LOC128462377: variants seen among roughly 807,000 people sequenced by gnomAD.
At chr16:89,318,816 G>C in the LOC128462377 span, among the ~76,000 whole-genome samples, 8 of 152,228 alleles carry the variant, frequency 5.3e-5, no homozygotes, top group African/African-American at 1.7e-4. Context: ...TCGGGTCAAC[G>C]TATTCACTGC....
At chr16:89,331,749 A>T in the LOC128462377 span, among the ~76,000 whole-genome samples, 1 of 152,082 alleles carries the variant, frequency 6.6e-6, no homozygotes, top group Non-Finnish European at 1.5e-5. Flanking sequence ...GCCTCCCAAA[A>T]TATTGGGGCT....
the LOC128462377 span, among the ~76,000 whole-genome samples, chr16:89,353,139 C>T: frequency 6.6e-6 from 1 of 152,080 alleles, no homozygotes; most frequent in African/African-American, 2.4e-5. Flanking sequence ...GTCAGGAGTT[C>T]AAGACCAGCC....
chr16:89,381,976 G>C, the LOC128462377 span, among the ~76,000 whole-genome samples: 1 of 152,210 alleles, frequency 6.6e-6, no homozygotes, highest in Non-Finnish European at 1.5e-5. Context: ...AATGTAGTGT[G>C]TCTGAGATCG....
chr16:89,317,195 G>C, the LOC128462377 span: 2 of 793,262 alleles, frequency 2.5e-6, no homozygotes, highest in African/African-American at 1.7e-5. Flanking sequence ...GCTCTGATCA[G>C]GGCTGGGGCC....
chr16:89,342,888 C>T, the LOC128462377 span, among the ~76,000 whole-genome samples: 2 of 152,040 alleles, frequency 1.3e-5, no homozygotes, highest in African/African-American at 2.4e-5. Context: ...GGGAAAGGGA[C>T]GGAGGTGAAT....
At chr16:89,355,003 C>G in the LOC128462377 span, among the ~76,000 whole-genome samples, 1 of 152,212 alleles carries the variant, frequency 6.6e-6, no homozygotes, top group African/African-American at 2.4e-5. Flanking sequence ...TGCACAGATT[C>G]ACATGCTGAA....
the LOC128462377 span, among the ~76,000 whole-genome samples, chr16:89,397,491 G>A: frequency 6.6e-6 from 1 of 152,240 alleles, no homozygotes; most frequent in African/African-American, 2.4e-5. Flanking sequence ...CCCCGTGGCG[G>A]GCCTTGCTGC....
chr16:89,386,958 G>C, the LOC128462377 span, among the ~76,000 whole-genome samples: 1 of 151,960 alleles, frequency 6.6e-6, no homozygotes, highest in Non-Finnish European at 1.5e-5. Context: ...GCTTGGCAGT[G>C]AGGGCAGGAG....
At chr16:89,357,648 C>T in the LOC128462377 span, among the ~76,000 whole-genome samples, 1 of 152,200 alleles carries the variant, frequency 6.6e-6, no homozygotes, top group Non-Finnish European at 1.5e-5. Context: ...AAGCAGAATG[C>T]GTCTGCACAC....
chr16:89,385,621 C>G, the LOC128462377 span, among the ~76,000 whole-genome samples: 1 of 152,218 alleles, frequency 6.6e-6, no homozygotes, highest in Non-Finnish European at 1.5e-5. Context: ...ACAACACACT[C>G]ACGATGATGC....
the LOC128462377 span, among the ~76,000 whole-genome samples, chr16:89,367,806 G>T: frequency 6.6e-6 from 1 of 152,148 alleles, no homozygotes; most frequent in African/African-American, 2.4e-5. Context: ...TCAAAAGCAG[G>T]TGGGGAGCCT....
chr16:89,409,151 G>A, the LOC128462377 span, among the ~76,000 whole-genome samples: 2 of 152,214 alleles, frequency 1.3e-5, no homozygotes, highest in South Asian at 4.1e-4. Context: ...GCAGAAAACA[G>A]ATTTTTTAGG....
the LOC128462377 span, among the ~76,000 whole-genome samples, chr16:89,390,885 C>T: frequency 2.0e-5 from 3 of 152,210 alleles, no homozygotes; most frequent in African/African-American, 7.2e-5. Flanking sequence ...TTCCACGACA[C>T]TGGTGAACAT....
chr16:89,347,522 A>C, the LOC128462377 span, among the ~76,000 whole-genome samples: 1 of 151,636 alleles, frequency 6.6e-6, no homozygotes, highest in African/African-American at 2.4e-5. Context: ...GAGGCAGGAG[A>C]ATGGCGTGAA....
the LOC128462377 span, among the ~76,000 whole-genome samples, chr16:89,334,169 A>AAAAAAAAAAAAAAAAAAAAAAAAC: frequency 9.3e-6 from 1 of 107,292 alleles, no homozygotes; most frequent in African/African-American, 3.5e-5. Flanking sequence ...AAAAAAAAAA[A>AAAAAAAAAAAAAAAAAAAAAAAAC]AAAACAGAGA....
the LOC128462377 span, among the ~76,000 whole-genome samples, chr16:89,377,973 T>G: frequency 6.6e-6 from 1 of 152,196 alleles, no homozygotes; most frequent in Non-Finnish European, 1.5e-5. Flanking sequence ...GTAAACATAT[T>G]TTCTCTTCCT....
At chr16:89,336,324 G>C in the LOC128462377 span, among the ~76,000 whole-genome samples, 2 of 152,254 alleles carry the variant, frequency 1.3e-5, no homozygotes, top group Admixed American at 6.5e-5. Context: ...GCACGCAACT[G>C]CCCGCACCTC....
the LOC128462377 span, among the ~76,000 whole-genome samples, chr16:89,357,642 A>C: frequency 6.6e-6 from 1 of 152,204 alleles, no homozygotes; most frequent in Non-Finnish European, 1.5e-5. Flanking sequence ...ACAGAGAAGC[A>C]GAATGCGTCT....
the LOC128462377 span, among the ~76,000 whole-genome samples, chr16:89,354,167 C>T: frequency 6.6e-6 from 1 of 151,570 alleles, no homozygotes; most frequent in Non-Finnish European, 1.5e-5. Context: ...GGAAAGTATA[C>T]CTTTACCCAT....
Sources: gnomAD v4.1 joint callset for allele counts (sites outside exome capture counted in the v4.1 genomes callset) on GRCh38, gnomAD v4.1.1 for gene constraint, MANE v1.5 for transcripts.